CMIP: variants seen among roughly 807,000 people sequenced by gnomAD.
CMIP encodes the protein c-Maf inducing protein.
CMIP carries 13 observed loss-of-function variants against 97.3 expected under a neutral mutation model. The observed-to-expected ratio is 0.13, with a 90% CI of 0.09 to 0.21. CMIP has a LOEUF of 0.21. Ranked by LOEUF, CMIP falls within the 10% of genes least tolerant of loss-of-function variation. CMIP has a pLI of 1.00. For synonymous variants in CMIP, 538 were observed against 436.3 expected, an observed-to-expected ratio of 1.23 and a Z score of -2.91; for missense variants, 847 against 1,024.9, an observed-to-expected ratio of 0.83 and a Z score of 2.37.
intron 3 of CMIP, among the ~76,000 whole-genome samples, chr16:81,648,406 A>T (rs1281999244): frequency 3.3e-5 from 5 of 152,022 alleles, no homozygotes; most frequent in African/African-American, 1.2e-4. Context: ...CCAGCTGTGC[A>T]CCATGAACAC....
intron 1 of CMIP, among the ~76,000 whole-genome samples, chr16:81,494,820 T>C (rs2089461756): frequency 2.0e-5 from 3 of 152,188 alleles, no homozygotes. Context: ...TGAATATTAT[T>C]AATAACAATA....
At chr16:81,625,572 C>T (rs1404620541) in intron 3 of CMIP, among the ~76,000 whole-genome samples, 2 of 152,178 alleles carry the variant, frequency 1.3e-5, no homozygotes, top group African/African-American at 2.4e-5. Flanking sequence ...GTGAGGGGAC[C>T]GTGTGTGTTT....
chr16:81,517,533 T>A (rs2089940467), intron 1 of CMIP, among the ~76,000 whole-genome samples: 1 of 152,036 alleles, frequency 6.6e-6, no homozygotes, highest in South Asian at 2.1e-4. Flanking sequence ...GGCAAGAGAG[T>A]GGGCTTGAAT....
At chr16:81,448,855 G>A (rs1452923205) in intron 1 of CMIP, among the ~76,000 whole-genome samples, 1 of 152,262 alleles carries the variant, frequency 6.6e-6, no homozygotes, top group African/African-American at 2.4e-5. Context: ...CCAGGCTGTG[G>A]CCTGAATGTG....
chr16:81,619,883 T>C (rs7206411), intron 2 of CMIP: 68,275 of 151,954 alleles, frequency 0.45, 16,356 homozygotes, highest in Middle Eastern at 0.59. Flanking sequence ...GTGTCTGGCG[T>C]CCATGAAACA....
chr16:81,462,361 A>G (rs562822907), intron 1 of CMIP, among the ~76,000 whole-genome samples: 1 of 152,128 alleles, frequency 6.6e-6, no homozygotes, highest in Non-Finnish European at 1.5e-5. Flanking sequence ...CTTAGCAACT[A>G]TGTGTTTTTT....
rs148221735 is a variant in CMIP, at chr16:81,582,380, A to T, written c.301-25187A>T. On this transcript the variant is annotated intron_variant, in intron 1 of 20. Coordinates refer to ENST00000537098, the MANE Select transcript of CMIP (RefSeq NM_198390.3). ...GACAGGGCCAAGGCAGTGCTTCTGA[A>T]AGCCACTTATCAGACTGAGCTTGAG... is the stretch of plus-strand genomic sequence containing the variant. Among the ~76,000 whole-genome samples the T allele has an allele frequency of 2.4e-4, 36 of 152,210 alleles. No homozygotes were observed. The East Asian group carries it at 6.8e-3, about 29-fold the overall frequency.
chr16:81,660,858 C>T, intron 5 of CMIP, 26 bp from the exon 6 acceptor site: 1 of 1,613,858 alleles, frequency 6.2e-7, no homozygotes, highest in Non-Finnish European at 8.5e-7. Flanking sequence ...CCCCACGGTT[C>T]CTGATGCTTG....
intron 1 of CMIP, among the ~76,000 whole-genome samples, chr16:81,550,604 C>A (rs1462895660): frequency 1.3e-5 from 2 of 152,152 alleles, no homozygotes; most frequent in Non-Finnish European, 2.9e-5. Context: ...CACATGGCTG[C>A]TATTGCTAGG....
chr16:81,488,438 A>C (rs1227971981), intron 1 of CMIP, among the ~76,000 whole-genome samples: 3 of 152,168 alleles, frequency 2.0e-5, no homozygotes, highest in African/African-American at 7.2e-5. Flanking sequence ...AGTGCTTAGA[A>C]CTGGGCCCGA....
In CMIP at chr16:81,691,760, CCT is replaced by C. The variant is rs1307905971; in HGVS notation, c.1389-9_1389-8del. Reference sequence around the variant, plus strand: ...TGTCCCAACCAAAGCTGACTGTCACCCTCTCTCATTCTAGGTCAGACTATGAT... The same window carrying C: ...TGTCCCAACCAAAGCTGACTGTCACCCTCTCATTCTAGGTCAGACTATGAT... On this transcript the variant is annotated splice_polypyrimidine_tract_variant and intron_variant, in intron 10 of 20. Coordinates refer to ENST00000537098, the MANE Select transcript of CMIP (RefSeq NM_198390.3). 1.2e-6 allele frequency: 2 copies of C among 1,612,278 alleles called. No homozygotes were observed. Among genetic ancestry groups the C allele is most frequent in the Admixed American group, 1.7e-5 (1 of 59,950 alleles).
chr16:81,703,930 T>C lies in CMIP; in HGVS notation c.1945-9T>C. ...AGCACCCTCAGGCCTCTCCCCCGTCTGCCCGCAGGACGCTGACTTGGCTCG... is the reference window on the plus strand; with the variant it reads ...AGCACCCTCAGGCCTCTCCCCCGTCCGCCCGCAGGACGCTGACTTGGCTCG... On this transcript the variant is annotated splice_polypyrimidine_tract_variant and intron_variant, in intron 17 of 20. Transcript: ENST00000537098. 1 of 1,590,828 alleles carries C rather than the reference T, an allele frequency of 6.3e-7. No homozygotes were observed. The highest frequency in any genetic ancestry group is 1.1e-5 in the South Asian group (1 of 88,080).
chr16:81,565,471 C>A (rs1231443845), intron 1 of CMIP, among the ~76,000 whole-genome samples: 2 of 152,196 alleles, frequency 1.3e-5, no homozygotes, highest in Non-Finnish European at 2.9e-5. Context: ...CGCCAGCTTC[C>A]CCTGGTGCAG....
intron 1 of CMIP, among the ~76,000 whole-genome samples, chr16:81,502,620 C>T (rs1377018791): frequency 6.6e-6 from 1 of 152,214 alleles, no homozygotes; most frequent in African/African-American, 2.4e-5. Context: ...AGAAGACAGC[C>T]AGCAGGCTCT....
chr16:81,568,604 G>A lies in CMIP; in HGVS notation c.301-38963G>A, dbSNP rs567937066. 7.2e-5 allele frequency among the ~76,000 whole-genome samples: 11 copies of A among 152,330 alleles called. No homozygotes were observed. In the East Asian group the frequency reaches 1.9e-3, roughly 27 times the overall value. On this transcript the variant is annotated intron_variant, in intron 1 of 20. Coordinates refer to ENST00000537098, the MANE Select transcript of CMIP (RefSeq NM_198390.3). ...GACAGCCCTTGGCTTGCTGGGGGAGGAGAGTGGAAACTTTTACATTTGTTT... is the reference window on the plus strand; with the variant it reads ...GACAGCCCTTGGCTTGCTGGGGGAGAAGAGTGGAAACTTTTACATTTGTTT...
intron 8 of CMIP, among the ~76,000 whole-genome samples, chr16:81,670,823 C>G (rs1163239713): frequency 1.3e-5 from 2 of 151,952 alleles, no homozygotes; most frequent in African/African-American, 2.4e-5. Flanking sequence ...TTCTTCTCAT[C>G]TCTTTTGTTT....
At chr16:81,481,497 A>G (rs781350020) in intron 1 of CMIP, among the ~76,000 whole-genome samples, 1 of 152,174 alleles carries the variant, frequency 6.6e-6, no homozygotes, top group Non-Finnish European at 1.5e-5. Context: ...ACTGACAGAT[A>G]ATTATGAAAG....
chr16:81,669,384 CCA>C (rs560000386), intron 7 of CMIP, among the ~76,000 whole-genome samples: 28 of 96,276 alleles, frequency 2.9e-4, no homozygotes, highest in African/African-American at 8.5e-4. Context: ...CCTTCCACAC[CCA>C]CCTCTCACAC....
intron 1 of CMIP, among the ~76,000 whole-genome samples, chr16:81,506,781 T>C (rs2089716765): frequency 1.3e-5 from 2 of 151,826 alleles, no homozygotes; most frequent in Non-Finnish European, 2.9e-5. Flanking sequence ...GGTGTGCGCC[T>C]ATAGCCCCAG....
Sources: allele counts gnomAD v4.1 joint callset (sites outside exome capture counted in the v4.1 genomes callset), GRCh38; gene constraint gnomAD v4.1.1; transcripts MANE v1.5; gene names NCBI Gene and HGNC (gene_info 2026-07-23, HGNC 2026-07-21).